Variants in CASP8 observed in about 807,000 individuals in gnomAD.
CASP8 encodes caspase 8, also known as caspase-8.
Under a neutral mutation model 46.3 loss-of-function variants are expected in CASP8, and 24 were observed. The ratio of observed to expected loss-of-function variants is 0.52; its 90% confidence interval spans 0.38 to 0.73. The LOEUF is 0.73. CASP8 is among the 30% of genes least tolerant of loss of function. CASP8 has a pLI of 0.00. For synonymous variants in CASP8, 188 were observed against 200.4 expected, an observed-to-expected ratio of 0.94 and a Z score of 0.52; for missense variants, 460 against 559.0, an observed-to-expected ratio of 0.82 and a Z score of 1.79.
chr2:201,271,102 C>T (rs1436655566), intron 2 of CASP8, among the ~76,000 whole-genome samples: 3 of 152,050 alleles, frequency 2.0e-5, no homozygotes, highest in South Asian at 2.1e-4. Flanking sequence ...AATGCTTGGC[C>T]GTCTTACTGA....
chr2:201,252,520 A>G (rs2075769445), intron 2 of CASP8, among the ~76,000 whole-genome samples: 1 of 152,126 alleles, frequency 6.6e-6, no homozygotes, highest in Non-Finnish European at 1.5e-5. Context: ...GTGATCCACC[A>G]GTATGGTTGA....
At chr2:201,268,272 C>G (rs756840820) in intron 2 of CASP8, among the ~76,000 whole-genome samples, 1 of 151,280 alleles carries the variant, frequency 6.6e-6, no homozygotes, top group African/African-American at 2.4e-5. Flanking sequence ...TATTCTGGGC[C>G]GGGTGAGGTG....
At chr2:201,247,905 A>G (rs1946609010) in intron 2 of CASP8, among the ~76,000 whole-genome samples, 1 of 152,134 alleles carries the variant, frequency 6.6e-6, no homozygotes, top group South Asian at 2.1e-4. Flanking sequence ...TGGCCTCCCA[A>G]AGTGCTGGGA....
At position 201,253,293 on chromosome 2, in the gene CASP8, CTTTTTTTTTTT is replaced by C. The variant is rs34341476; in HGVS notation, c.-26-13148_-26-13138del. Reference sequence around the variant, plus strand: ...TGTGAGCCACTGCACCTAGCCTGATCTTTTTTTTTTTTTTTTTTTTTTTTTTTTTTAAGAAA... The same window carrying C: ...TGTGAGCCACTGCACCTAGCCTGATCTTTTTTTTTTTTTTTTTTTAAGAAA... On this transcript the variant is annotated intron_variant, in intron 2 of 6. Coordinates refer to the CASP8 transcript ENST00000264274. 5.4e-4 allele frequency among the ~76,000 whole-genome samples: 37 copies of C among 67,964 alleles called. No homozygotes were observed. In the East Asian group the frequency reaches 6.2e-3, roughly 11 times the overall value. The allele number at this position is 67,964 out of a possible 152,430, so 44.6% of individuals were successfully genotyped here. A position where few individuals can be genotyped will look rare whatever the true frequency, so the allele number is the denominator to read the frequency against.
At chr2:201,268,597 G>C (rs1947997285) in intron 2 of CASP8, among the ~76,000 whole-genome samples, 1 of 152,136 alleles carries the variant, frequency 6.6e-6, no homozygotes, top group African/African-American at 2.4e-5. Context: ...GTTTCCTAGG[G>C]CTGCTGTAAC....
At chr2:201,276,755 G>T (rs1046006889) in intron 6 of CASP8, 72 bp from the exon 7 acceptor site, 18 of 1,604,920 alleles carry the variant, frequency 1.1e-5, no homozygotes, top group Middle Eastern at 1.7e-4. Flanking sequence ...CCTCTTACTA[G>T]GGAGTTGTTT....
At chr2:201,276,321 GGGAC>G in intron 6 of CASP8, among the ~76,000 whole-genome samples, 1 of 152,232 alleles carries the variant, frequency 6.6e-6, no homozygotes. Flanking sequence ...TTAAAATCCT[GGGAC>G]CACACTGTGC....
intron 5 of CASP8, among the ~76,000 whole-genome samples, chr2:201,274,257 A>G (rs1348664091): frequency 6.6e-6 from 1 of 152,122 alleles, no homozygotes; most frequent in Non-Finnish European, 1.5e-5. Flanking sequence ...ATTCATCCTG[A>G]GCTAGTGGCT....
intron 2 of CASP8, chr2:201,241,661 T>A (rs1476919950): frequency 6.6e-6 from 1 of 152,212 alleles, no homozygotes; most frequent in Non-Finnish European, 1.5e-5. Flanking sequence ...AAACTATTTT[T>A]AAAAATTGAA....
intron 7 of CASP8, chr2:201,281,707 A>C: frequency 2.1e-6 from 1 of 470,404 alleles, no homozygotes; most frequent in Non-Finnish European, 3.7e-6. Flanking sequence ...TGATTATGTA[A>C]ATAATATAAT....
chr2:201,236,276 G>C (rs1261501209), intron 2 of CASP8, among the ~76,000 whole-genome samples: 1 of 151,978 alleles, frequency 6.6e-6, no homozygotes, highest in Non-Finnish European at 1.5e-5. Context: ...TTGATATTTT[G>C]TTTTGATTTT....
chr2:201,255,232 T>A (rs1946961339), intron 2 of CASP8, among the ~76,000 whole-genome samples: 1 of 152,142 alleles, frequency 6.6e-6, no homozygotes, highest in African/African-American at 2.4e-5. Flanking sequence ...CATGCCACCA[T>A]GCCCAACTAA....
At chr2:201,281,934 T>TGATCTATCAATG in intron 7 of CASP8, 2 of 144,646 alleles carry the variant, frequency 1.4e-5, no homozygotes, top group African/African-American at 8.6e-5. Context: ...GTTCAAATTC[T>TGATCTATCAATG]TTTTTTTTTT....
Position 201,239,192 on chromosome 2 carries a change from C to G in CASP8, c.-27+5080C>G, listed in dbSNP as rs568726812. ...CTCTCTACACAGACACGGCAACCAT[C>G]CAATTTCTCAATCTTTTCCCCACCT... On this transcript the variant is annotated intron_variant, in intron 2 of 6. Coordinates refer to the CASP8 transcript ENST00000264274. Among the ~76,000 whole-genome samples, 15 of 152,366 alleles carry G rather than the reference C, an allele frequency of 9.8e-5. No homozygotes were observed. The South Asian group carries it at 2.7e-3, about 27-fold the overall frequency.
intron 7 of CASP8, chr2:201,277,635 A>G: frequency 2.6e-6 from 1 of 382,318 alleles, no homozygotes; most frequent in South Asian, 1.9e-5. Flanking sequence ...TTGCAAATGG[A>G]GGTAAGTTTA....
At chr2:201,252,550 C>T (rs539948140) in intron 2 of CASP8, among the ~76,000 whole-genome samples, 2 of 152,278 alleles carry the variant, frequency 1.3e-5, no homozygotes, top group East Asian at 1.9e-4. Context: ...GTTCTTTGTA[C>T]GCTTTTGGGT....
At position 201,284,639 on chromosome 2, in the gene CASP8, T is replaced by C. The variant is rs1440361030; in HGVS notation, c.803-177T>C. Among the ~76,000 whole-genome samples the C allele has an allele frequency of 8.9e-5, 4 of 44,870 alleles. 1 individual carries two copies. The highest frequency in any genetic ancestry group is 4.0e-4 in the African/African-American group (4 of 10,008). 29.4% of individuals were successfully genotyped at this position (44,870 alleles called of 152,430 possible). On this transcript the variant is annotated intron_variant, in intron 7 of 8. Transcript: ENST00000673742. ...CGAGATGGCAGCAGTACCGTCCAGCTTTGGCTCGGCATGAGAGGGAGAGGG... is the reference window on the plus strand; with the variant it reads ...CGAGATGGCAGCAGTACCGTCCAGCCTTGGCTCGGCATGAGAGGGAGAGGG...
At chr2:201,261,698 G>T (rs553492420) in intron 1 of CASP8, among the ~76,000 whole-genome samples, 3 of 152,340 alleles carry the variant, frequency 2.0e-5, no homozygotes, top group Admixed American at 6.5e-5. Flanking sequence ...GGATTGGAGG[G>T]AGTGGCAATA....
chr2:201,279,675 G>A (rs1948873317), intron 7 of CASP8, among the ~76,000 whole-genome samples: 1 of 152,204 alleles, frequency 6.6e-6, no homozygotes, highest in Non-Finnish European at 1.5e-5. Flanking sequence ...CGAAAGAGAG[G>A]TAGCTTGGTA....
Sources: allele counts gnomAD v4.1 joint callset (sites outside exome capture counted in the v4.1 genomes callset), GRCh38; gene constraint gnomAD v4.1.1; transcripts MANE v1.5; gene names NCBI Gene and HGNC (gene_info 2026-07-23, HGNC 2026-07-21).